The following HS6ST2 variants were observed in gnomAD, a reference collection of about 807,000 sequenced individuals.
HS6ST2 encodes heparan-sulfate 6-O-sulfotransferase 2.
Under a neutral mutation model 33.0 loss-of-function variants are expected in HS6ST2, and 17 were observed. The observed-to-expected ratio is 0.52, with a 90% confidence interval of 0.35 to 0.77. The LOEUF (loss-of-function observed/expected upper bound fraction) is 0.77, where lower values mean the gene tolerates loss of function less well. Among genes scored for constraint, HS6ST2 ranks in the 30% least tolerant of loss-of-function variants. HS6ST2 has a pLI of 0.01. For synonymous variants in HS6ST2, 248 were observed against 237.1 expected, an observed-to-expected ratio of 1.05 and a Z score of -0.42; for missense variants, 519 against 551.7, an observed-to-expected ratio of 0.94 and a Z score of 0.59.
At chrX:132,933,277 G>A (rs1041439780) in intron 2 of HS6ST2, among the ~76,000 whole-genome samples, 11 of 110,704 alleles carry the variant, frequency 9.9e-5, no homozygotes, top group African/African-American at 3.3e-4. Context: ...GCAGTGAGCC[G>A]AGATCGCACC....
intron 2 of HS6ST2, among the ~76,000 whole-genome samples, chrX:132,747,678 T>G (rs981635587): frequency 5.4e-5 from 6 of 111,322 alleles, no homozygotes. Context: ...TTGGGCTCAA[T>G]GTTCTCCAAG....
rs201107382 is a variant in HS6ST2 at position 132,958,318 on chromosome X, G to C, written c.285C>G (p.Arg95=). 2.3e-4 allele frequency: 280 copies of C among 1,195,990 alleles called. 2 individuals are homozygous for C. The African/African-American group carries it at 4.5e-3, about 19-fold the overall frequency. ...GTCGCCTGAGGACGTGCATCCGCCT[G>C]CGGCGGCCCCGGGACAGCAGCGCGA... ...PLFALLSRGR[R]RRMHVLRRRW... is the part of the protein sequence containing the mutation. The change falls in exon 1 of 5, where the codon CGC becomes CGG. Residue 95 remains arginine, a synonymous_variant. Transcript: ENST00000370833.
At chrX:132,811,685 A>AATATATAT (rs56390608) in intron 2 of HS6ST2, among the ~76,000 whole-genome samples, 2,447 of 29,678 alleles carry the variant, frequency 0.082, 254 homozygotes, top group East Asian at 0.12. Flanking sequence ...AAGGCTGAAT[A>AATATATAT]ATATATATAT....
Position 132,648,759 on chromosome X carries a change from C to T in HS6ST2, c.1068-19666G>A, listed in dbSNP as rs1479244807. On this transcript the variant is annotated intron_variant, in intron 4 of 4. Transcript: ENST00000370833. Reference sequence around the variant, plus strand: ...CTTTCATGCCTTTAACCTGGTGGTACGGGAAAGCCATCACTTTGTCTTACA... The same window carrying T: ...CTTTCATGCCTTTAACCTGGTGGTATGGGAAAGCCATCACTTTGTCTTACA... Among the ~76,000 whole-genome samples, 5 of 111,105 alleles carry T rather than the reference C, an allele frequency of 4.5e-5. 1 individual carries two copies. In the South Asian group the frequency reaches 1.2e-3, roughly 26 times the overall value.
chrX:132,874,595 CA>C (rs1179685075), intron 2 of HS6ST2, among the ~76,000 whole-genome samples: 1 of 110,056 alleles, frequency 9.1e-6, no homozygotes, highest in African/African-American at 3.3e-5. Context: ...ACAAAACTAG[CA>C]AAAAAAACAC....
chrX:132,913,269 C>T (rs1411777067), intron 2 of HS6ST2, among the ~76,000 whole-genome samples: 5 of 112,153 alleles, frequency 4.5e-5, no homozygotes, highest in Admixed American at 9.4e-5. Flanking sequence ...GCCAGGCAGC[C>T]ACTTCATGCT....
chrX:132,910,060 T>C (rs1189805724), intron 2 of HS6ST2, among the ~76,000 whole-genome samples: 1 of 111,514 alleles, frequency 9.0e-6, no homozygotes, highest in Non-Finnish European at 1.9e-5. Flanking sequence ...TGAGCATAAA[T>C]TTCTAATATT....
intron 2 of HS6ST2, among the ~76,000 whole-genome samples, chrX:132,894,246 A>C (rs746315554): frequency 9.9e-6 from 1 of 100,573 alleles, no homozygotes; most frequent in South Asian, 5.1e-4. Flanking sequence ...GGTTCAAGCG[A>C]TTCTTGTACC....
At chrX:132,807,128 T>C (rs1201562601) in intron 2 of HS6ST2, among the ~76,000 whole-genome samples, 4 of 110,195 alleles carry the variant, frequency 3.6e-5, no homozygotes, top group African/African-American at 1.3e-4. Flanking sequence ...TAATAGTAGA[T>C]CCAGGATTGG....
At chrX:132,800,710 C>T (rs1002322827) in intron 2 of HS6ST2, among the ~76,000 whole-genome samples, 1 of 111,513 alleles carries the variant, frequency 9.0e-6, no homozygotes, top group Non-Finnish European at 1.9e-5. Flanking sequence ...TACATGCTGA[C>T]TGGCCGGTTT....
intron 2 of HS6ST2, among the ~76,000 whole-genome samples, chrX:132,838,920 G>C (rs6638029): frequency 1.1e-3 from 121 of 105,872 alleles, no homozygotes; most frequent in African/African-American, 4.1e-3. Flanking sequence ...AAACCACAAT[G>C]AGATACCATC....
Position 132,914,226 on chromosome X carries a change from T to C in HS6ST2, c.947+42582A>G, listed in dbSNP as rs774225193. ...AAGGTGTCATGATGTTGCTAATAGT[T>C]ACTTCCTTCCCTGACAGTGTGCTTT... On this transcript the variant is annotated intron_variant, in intron 2 of 4. Coordinates refer to ENST00000370833, the MANE Select transcript of HS6ST2 (RefSeq NM_001394073.1). 2.5e-4 allele frequency among the ~76,000 whole-genome samples: 28 copies of C among 112,697 alleles called. 1 individual carries two copies. The highest frequency in any genetic ancestry group is 8.7e-4 in the African/African-American group (27 of 31,072).
chrX:132,747,624 C>A (rs951643407), intron 2 of HS6ST2, among the ~76,000 whole-genome samples: 8 of 111,073 alleles, frequency 7.2e-5, no homozygotes, highest in Non-Finnish European at 1.5e-4. Flanking sequence ...GTCCCTCCCT[C>A]TCTGTGGGCC....
intron 2 of HS6ST2, among the ~76,000 whole-genome samples, chrX:132,936,173 A>C (rs1247388916): frequency 2.7e-5 from 3 of 111,341 alleles, no homozygotes; most frequent in Non-Finnish European, 5.7e-5. Flanking sequence ...TTTAACAATA[A>C]ATTGAATTAT....
At position 132,951,792 on chromosome X, in the gene HS6ST2, CA is replaced by C. The variant is rs1335072910; in HGVS notation, c.947+5015del. Among the ~76,000 whole-genome samples, 4 of 112,320 alleles carry C rather than the reference CA, an allele frequency of 3.6e-5. No homozygotes were observed. In the East Asian group the frequency reaches 1.1e-3, roughly 32 times the overall value. On this transcript the variant is annotated intron_variant, in intron 2 of 4. Transcript: ENST00000370833. ...TGCTTTGCCGATTAGACCCAAACTA[CA>C]ACATAACAGATGGACTTTTGTCTAT...
Position 132,627,503 on chromosome X carries a change from A to G in HS6ST2, c.*720T>C, listed in dbSNP as rs1202418495. ...ATCTTTACATTGGTATTTCATTTTG[A>G]AAAAAAGGTGTTTTGTTTAATGTGA... is the stretch of plus-strand genomic sequence containing the variant. On this transcript the variant is annotated 3_prime_UTR_variant, in exon 5 of 5. Transcript: ENST00000370833. 1 of 112,514 alleles carries G rather than the reference A, an allele frequency of 8.9e-6. No individual in the cohort carries two copies. Among genetic ancestry groups the G allele is most frequent in the Non-Finnish European group, 1.9e-5 (1 of 53,271 alleles). The allele number at this position is 112,514 out of a possible 1,213,427, so 9.3% of individuals were successfully genotyped here.
chrX:132,821,980 G>C (rs770200252), intron 2 of HS6ST2, among the ~76,000 whole-genome samples: 1 of 104,375 alleles, frequency 9.6e-6, no homozygotes, highest in Non-Finnish European at 2.0e-5. Context: ...GACAGAGCCA[G>C]ACCCCATCTC....
intron 3 of HS6ST2, among the ~76,000 whole-genome samples, chrX:132,698,682 C>CCATCCA (rs2064120771): frequency 9.0e-6 from 1 of 111,531 alleles, no homozygotes; most frequent in South Asian, 3.8e-4. Flanking sequence ...AAAATCAAAT[C>CCATCCA]CATCCACAAA....
At chrX:132,718,898 T>TG (rs1219632344) in intron 2 of HS6ST2, among the ~76,000 whole-genome samples, 6 of 109,594 alleles carry the variant, frequency 5.5e-5, no homozygotes, top group Admixed American at 4.9e-4. Flanking sequence ...TTTGAAGCAG[T>TG]GGGGGGTGAG....
Sources: allele counts gnomAD v4.1 joint callset (sites outside exome capture counted in the v4.1 genomes callset), GRCh38; gene constraint gnomAD v4.1.1; transcripts MANE v1.5; gene names NCBI Gene and HGNC (gene_info 2026-07-23, HGNC 2026-07-21).